The following GPHN variants were observed in gnomAD, a reference collection of about 807,000 sequenced individuals.
The protein encoded by GPHN is gephyrin.
A neutral mutation model predicts 95.5 loss-of-function variants in GPHN; 17 were observed. That is an observed-to-expected ratio of 0.18 (90% CI 0.12 to 0.27). The LOEUF (loss-of-function observed/expected upper bound fraction) is 0.27, where lower values mean the gene tolerates loss of function less well. GPHN is among the 10% of genes least tolerant of loss of function. The pLI is 1.00. For synonymous variants in GPHN, 320 were observed against 322.5 expected, an observed-to-expected ratio of 0.99 and a Z score of 0.08; for missense variants, 660 against 978.1, an observed-to-expected ratio of 0.67 and a Z score of 4.34.
the GPHN span, among the ~76,000 whole-genome samples, chr14:67,372,861 G>A: frequency 6.6e-6 from 1 of 151,754 alleles, no homozygotes; most frequent in Non-Finnish European, 1.5e-5. Context: ...AAAAAACCCT[G>A]TATCTAAACC....
chr14:67,104,461 G>A (rs1439231946), intron 13 of GPHN, among the ~76,000 whole-genome samples: 3 of 152,246 alleles, frequency 2.0e-5, no homozygotes, highest in East Asian at 1.9e-4. Flanking sequence ...ATGTTTGGTA[G>A]GATTAAGCAG....
chr14:66,788,144 A>G (rs537181830), intron 3 of GPHN, among the ~76,000 whole-genome samples: 78 of 152,314 alleles, frequency 5.1e-4, no homozygotes, highest in South Asian at 2.7e-3. Context: ...CCTTTTCTCT[A>G]CTAAAAATAC....
chr14:67,051,046 G>T (rs2075282816), intron 10 of GPHN, among the ~76,000 whole-genome samples: 1 of 145,012 alleles, frequency 6.9e-6, no homozygotes, highest in African/African-American at 2.6e-5. Context: ...GCAGATTCTT[G>T]GCAGCCGCTC....
chr14:66,887,731 C>CA (rs2064273242), intron 5 of GPHN, among the ~76,000 whole-genome samples: 1 of 151,856 alleles, frequency 6.6e-6, no homozygotes, highest in Non-Finnish European at 1.5e-5. Context: ...TATCAAATGG[C>CA]AAAAAAATAC....
At chr14:67,430,929 C>T in the GPHN span, among the ~76,000 whole-genome samples, 1 of 152,132 alleles carries the variant, frequency 6.6e-6, no homozygotes, top group African/African-American at 2.4e-5. Context: ...ACCAGCTTCC[C>T]AAATACGCCT....
At chr14:67,370,612 T>G in the GPHN span, among the ~76,000 whole-genome samples, 6 of 152,300 alleles carry the variant, frequency 3.9e-5, no homozygotes, top group South Asian at 2.1e-4. Context: ...ACAAATCAGG[T>G]GAAATTAGTG....
At chr14:66,513,983 G>C (rs2058143045) in intron 1 of GPHN, among the ~76,000 whole-genome samples, 1 of 151,774 alleles carries the variant, frequency 6.6e-6, no homozygotes. Flanking sequence ...TTCTTAATTT[G>C]AAAAATAAAG....
At chr14:66,726,462 CTT>C (rs1294132662) in intron 2 of GPHN, among the ~76,000 whole-genome samples, 1 of 152,038 alleles carries the variant, frequency 6.6e-6, no homozygotes, top group Non-Finnish European at 1.5e-5. Flanking sequence ...TTTATGAATC[CTT>C]TTAATATTTT....
chr14:67,684,373 G>C, the GPHN span: 1 of 152,130 alleles, frequency 6.6e-6, no homozygotes, highest in African/African-American at 2.4e-5. Flanking sequence ...GAAAAATATG[G>C]AAAGGGGTAG....
the GPHN span, among the ~76,000 whole-genome samples, chr14:67,407,737 C>T: frequency 6.6e-6 from 1 of 152,242 alleles, no homozygotes; most frequent in South Asian, 2.1e-4. Context: ...CCACCACACC[C>T]GGCAGACCCC....
chr14:67,627,285 G>A, the GPHN span, among the ~76,000 whole-genome samples: 1 of 104,792 alleles, frequency 9.5e-6, no homozygotes, highest in African/African-American at 4.4e-5. Flanking sequence ...ATATATATCT[G>A]AAACTTCTGA....
At chr14:66,931,247 G>A (rs2066776141) in intron 8 of GPHN, among the ~76,000 whole-genome samples, 1 of 152,018 alleles carries the variant, frequency 6.6e-6, no homozygotes, top group Non-Finnish European at 1.5e-5. Flanking sequence ...TATGTTATCT[G>A]TTATTTTTCT....
chr14:67,323,666 G>A, the GPHN span: 1,197 of 872,896 alleles, frequency 1.4e-3, 14 homozygotes, highest in African/African-American at 0.019. Flanking sequence ...ATTAAATGAT[G>A]CAAATTATTT....
At chr14:67,569,350 A>C in the GPHN span, 1 of 617,282 alleles carries the variant, frequency 1.6e-6, no homozygotes, top group African/African-American at 1.8e-5. Context: ...CCAGCAGGTG[A>C]AGTTCAGGTG....
chr14:67,417,808 A>G, the GPHN span, among the ~76,000 whole-genome samples: 3 of 152,050 alleles, frequency 2.0e-5, no homozygotes, highest in African/African-American at 7.2e-5. Flanking sequence ...CAGTGCCGCA[A>G]TCACAGCTCA....
At chr14:66,668,646 G>A (rs2066109797) in intron 1 of GPHN, among the ~76,000 whole-genome samples, 1 of 152,164 alleles carries the variant, frequency 6.6e-6, no homozygotes, top group African/African-American at 2.4e-5. Context: ...TAGAAGGTGG[G>A]ACGAGGGACA....
chr14:67,317,257 G>A, the GPHN span: 1 of 638,582 alleles, frequency 1.6e-6, no homozygotes, highest in Non-Finnish European at 2.6e-6. Flanking sequence ...GAGGCCAGGA[G>A]TTCAAGACAA....
chr14:67,324,028 C>T, the GPHN span, among the ~76,000 whole-genome samples: 2 of 152,170 alleles, frequency 1.3e-5, no homozygotes, highest in Non-Finnish European at 2.9e-5. Context: ...AACCTTTGAG[C>T]GTCTTCACAT....
intron 4 of GPHN, among the ~76,000 whole-genome samples, chr14:66,864,900 A>T (rs1047787345): frequency 2.6e-5 from 4 of 151,888 alleles, no homozygotes; most frequent in Admixed American, 1.3e-4. Context: ...TGGATAAAGA[A>T]AATGTACATC....
Sources: gnomAD v4.1 joint callset for allele counts (sites outside exome capture counted in the v4.1 genomes callset) on GRCh38, gnomAD v4.1.1 for gene constraint, MANE v1.5 for transcripts, NCBI Gene and HGNC (gene_info 2026-07-23, HGNC 2026-07-21) for gene names.